MROH2A: variants seen among roughly 807,000 people sequenced by gnomAD.
MROH2A encodes maestro heat like repeat family member 2A.
Under a neutral mutation model 200.4 loss-of-function variants are expected in MROH2A, and 174 were observed. That is an observed-to-expected ratio of 0.87 (90% CI 0.77 to 0.98). MROH2A has a LOEUF of 0.98. Among genes scored for constraint, MROH2A ranks in the 50% least tolerant of loss-of-function variants. MROH2A has a pLI of 0.00. For synonymous variants in MROH2A, 829 were observed against 840.4 expected, an observed-to-expected ratio of 0.99 and a Z score of 0.23; for missense variants, 2,045 against 2,139.6, an observed-to-expected ratio of 0.96 and a Z score of 0.87.
intron 11 of MROH2A, 76 bp from the exon 12 acceptor site, chr2:233,798,698 G>A: frequency 1.9e-6 from 2 of 1,039,728 alleles, no homozygotes; most frequent in Non-Finnish European, 2.9e-6. Context: ...CAGAACGTGA[G>A]GCCCTGATGT....
rs1199265444 is a variant in MROH2A at position 233,790,461 on chromosome 2, CCTCCCTCCCTCCTTCCTT to C, written c.571+449_571+466del. On this transcript the variant is annotated intron_variant, in intron 5 of 41. Coordinates refer to ENST00000389758, the MANE Select transcript of MROH2A (RefSeq NM_001394639.1). ...TCCTTCCTCCCTCCCCCCCTTCCTT[CCTCCCTCCCTCCTTCCTT>C]CCTCCCTCCCTCCTTCCTTCCTTTC... Among the ~76,000 whole-genome samples, 23 of 37,432 alleles carry C rather than the reference CCTCCCTCCCTCCTTCCTT, an allele frequency of 6.1e-4. 3 individuals are homozygous for C. Among genetic ancestry groups the C allele is most frequent in the Non-Finnish European group, 9.6e-4 (23 of 24,028 alleles). 24.6% of individuals were successfully genotyped at this position (37,432 alleles called of 152,430 possible).
At chr2:233,833,084 A>G (rs1172234887) in intron 41 of MROH2A, 54 bp from the exon 42 acceptor site, 5 of 1,482,860 alleles carry the variant, frequency 3.4e-6, no homozygotes, top group Non-Finnish European at 4.5e-6. Context: ...GGCATGCAGC[A>G]TGTGGTCCTG....
Position 233,818,100 on chromosome 2 carries a change from C to T in MROH2A, c.3060C>T (p.Val1020=). The T allele has an allele frequency of 1.3e-6, 2 of 1,550,822 alleles. No individual in the cohort carries two copies. The change falls in exon 28 of 42, where the codon GTC becomes GTT. Residue 1020 remains valine, a synonymous_variant. Transcript: ENST00000389758. ...HQRTRMASMN[V]LSSLLDLHAS... ...GAACCCGCATGGCCTCAATGAATGT[C>T]CTGTCCAGCCTGCTAGATCTTCACG... is the stretch of plus-strand genomic sequence containing the variant.
chr2:233,819,965 C>T lies in MROH2A; in HGVS notation c.3421C>T (p.Arg1141Cys), dbSNP rs28900688. 5.7e-3 allele frequency: 8,796 copies of T among 1,546,498 alleles called. 361 individuals carry two copies. In the African/African-American group the frequency reaches 0.094, roughly 16 times the overall value. The change falls in exon 31 of 42, where the codon CGC becomes TGC. Residue 1141 changes from arginine to cysteine, a missense_variant. By Grantham distance (180) the Arg-to-Cys change is radical. Transcript: ENST00000389758. ...GGTGGTGGACCACCCAGAGGTGCGG[C>T]GCCTTCTCATTGACGGCATCCTGCT... The part of the protein sequence containing the change: ...LPVVDHPEVR[R>C]LLIDGILLLA...
At chr2:233,784,429 G>T (rs1003376984) in intron 3 of MROH2A, among the ~76,000 whole-genome samples, 1 of 152,116 alleles carries the variant, frequency 6.6e-6, no homozygotes, top group African/African-American at 2.4e-5. Context: ...TTATGAATTT[G>T]TTGAGACTTG....
intron 16 of MROH2A, among the ~76,000 whole-genome samples, chr2:233,803,748 T>G: frequency 6.6e-6 from 1 of 152,178 alleles, no homozygotes; most frequent in East Asian, 1.9e-4. Flanking sequence ...CCCACTACAC[T>G]GCCAATGCCT....
chr2:233,796,797 C>T (rs1463253715), intron 11 of MROH2A, among the ~76,000 whole-genome samples: 2 of 152,228 alleles, frequency 1.3e-5, no homozygotes, highest in Non-Finnish European at 2.9e-5. Context: ...TGCAGCCCTA[C>T]AGGTACATAA....
chr2:233,798,837 A>C lies in MROH2A; in HGVS notation c.1316A>C (p.Asp439Ala). 2 of 1,550,268 alleles carry C rather than the reference A, an allele frequency of 1.3e-6. No individual in the cohort carries two copies. The highest frequency in any genetic ancestry group is 1.7e-6 in the Non-Finnish European group (2 of 1,146,782). ...AIRVVKNTISDTRSKVRMAIL... is the reference protein window; with the variant it reads ...AIRVVKNTISATRSKVRMAIL... ...CGGGTAGTCAAGAACACCATCTCTG[A>C]TACCCGGTCCAAGGTAACAGGGCAG... Residue 439 changes from aspartate to alanine, a missense_variant, in exon 12 of 42, where the codon GAT (aspartate) becomes GCT (alanine). Physicochemically the swap from Asp to Ala is moderately radical, Grantham distance 126. Coordinates refer to ENST00000389758, the MANE Select transcript of MROH2A (RefSeq NM_001394639.1).
intron 25 of MROH2A, 56 bp downstream of exon 25, chr2:233,813,834 A>G: frequency 1.0e-6 from 1 of 964,932 alleles, no homozygotes; most frequent in Non-Finnish European, 1.6e-6. Flanking sequence ...GTTAACATTA[A>G]CATGGGCCAT....
chr2:233,812,073 A>C (rs1221555625), intron 24 of MROH2A, 114 bp downstream of exon 24: 2 of 758,968 alleles, frequency 2.6e-6, no homozygotes, highest in East Asian at 5.5e-5. Flanking sequence ...CCTCTGTAGC[A>C]GGGGTCTCAC....
intron 35 of MROH2A, among the ~76,000 whole-genome samples, chr2:233,824,938 GA>G (rs1411227571): frequency 6.6e-6 from 1 of 152,186 alleles, no homozygotes; most frequent in Non-Finnish European, 1.5e-5. Flanking sequence ...GCATGATACT[GA>G]TTCTTCCTAT....
rs13006586 is a variant in MROH2A, at chr2:233,790,470, C to T, written c.571+456C>T. Among the ~76,000 whole-genome samples, 23 of 20,406 alleles carry T rather than the reference C, an allele frequency of 1.1e-3. 1 individual carries two copies. The highest frequency in any genetic ancestry group is 0.011 in the African/African-American group (20 of 1,800). 13.4% of individuals were successfully genotyped at this position (20,406 alleles called of 152,430 possible). A position where few individuals can be genotyped will look rare whatever the true frequency, so the allele number is the denominator to read the frequency against. ...CCTCCCCCCCTTCCTTCCTCCCTCC[C>T]TCCTTCCTTCCTCCCTCCCTCCTTC... On this transcript the variant is annotated intron_variant, in intron 5 of 41. Transcript: ENST00000389758.
intron 30 of MROH2A, 34 bp from the exon 31 acceptor site, chr2:233,819,868 G>A (rs1391379692): frequency 6.8e-7 from 1 of 1,477,228 alleles, no homozygotes; most frequent in African/African-American, 1.4e-5. Flanking sequence ...TAGGGGCCTG[G>A]GCTGCCCCCC....
chr2:233,776,897 T>C (rs1305607114), upstream of MROH2A, among the ~76,000 whole-genome samples: 1 of 152,164 alleles, frequency 6.6e-6, no homozygotes, highest in Non-Finnish European at 1.5e-5. Context: ...TCAAGAAGCC[T>C]TCATATTCCC....
At chr2:233,832,151 CTG>C (rs1491045551) in intron 39 of MROH2A, 24 bp from the exon 40 acceptor site, 16 of 1,535,854 alleles carry the variant, frequency 1.0e-5, no homozygotes, top group Non-Finnish European at 1.4e-5. Flanking sequence ...TCCTCCAAAG[CTG>C]TGTGTATCAC....
At chr2:233,824,053 C>T (rs1160656426) in intron 35 of MROH2A, among the ~76,000 whole-genome samples, 1 of 152,172 alleles carries the variant, frequency 6.6e-6, no homozygotes, top group South Asian at 2.1e-4. Flanking sequence ...AGTGTTGGAG[C>T]GTCCTGAGGG....
In MROH2A at chr2:233,813,745, C is replaced by T; in HGVS notation, c.2727C>T (p.Leu909=). ...MDISIHSVIS[L]QLPGEDNESI... ...TCAGCATACATTCTGTAATTTCTCTCCAACTCCCAGGAGAGGACAATGAGT... is the reference window on the plus strand; with the variant it reads ...TCAGCATACATTCTGTAATTTCTCTTCAACTCCCAGGAGAGGACAATGAGT... Residue 909 remains leucine, a synonymous_variant, in exon 25 of 42, where the codon CTC becomes CTT. Transcript: ENST00000389758. 1.9e-6 allele frequency: 3 copies of T among 1,549,886 alleles called. No individual in the cohort carries two copies. In the South Asian group the frequency reaches 3.6e-5, roughly 18 times the overall value.
chr2:233,822,031 T>C, intron 31 of MROH2A, 93 bp from the exon 32 acceptor site: 1 of 1,420,642 alleles, frequency 7.0e-7, no homozygotes, highest in African/African-American at 1.4e-5. Flanking sequence ...GTCCAACCCC[T>C]ACTTAGGGGG....
In MROH2A at chr2:233,811,825, G is replaced by A. The variant is rs1703173675; in HGVS notation, c.2572-55G>A. 60 of 1,154,042 alleles carry A rather than the reference G, an allele frequency of 5.2e-5. No individual in the cohort carries two copies. The South Asian group carries it at 7.1e-4, about 14-fold the overall frequency. 71.5% of individuals were successfully genotyped at this position (1,154,042 alleles called of 1,614,324 possible). Reference sequence around the variant, plus strand: ...GTCTTCCTCATGCTAACACTGGGGAGTGCTGCCGCCATCATGGTCACCAAA... The same window carrying A: ...GTCTTCCTCATGCTAACACTGGGGAATGCTGCCGCCATCATGGTCACCAAA... On this transcript the variant is annotated intron_variant, in intron 23 of 41. Coordinates refer to ENST00000389758, the MANE Select transcript of MROH2A (RefSeq NM_001394639.1).
Sources: gnomAD v4.1 joint callset for allele counts (sites outside exome capture counted in the v4.1 genomes callset) on GRCh38, gnomAD v4.1.1 for gene constraint, MANE v1.5 for transcripts, NCBI Gene and HGNC (gene_info 2026-07-23, HGNC 2026-07-21) for gene names.